PLXDC2: variants seen among roughly 807,000 people sequenced by gnomAD.
PLXDC2 encodes the protein plexin domain-containing protein 2.
PLXDC2 carries 40 observed loss-of-function variants against 68.9 expected under a neutral mutation model. That is an observed-to-expected ratio of 0.58 (90% CI 0.45 to 0.76). PLXDC2 has a LOEUF of 0.76. PLXDC2 is among the 30% of genes least tolerant of loss of function. The pLI is 0.00. For synonymous variants in PLXDC2, 243 were observed against 234.2 expected (o/e 1.04, Z -0.34); for missense variants, 644 against 661.9 (o/e 0.97, Z 0.30).
At chr10:19,819,041 C>T (rs1263310249) in intron 1 of PLXDC2, among the ~76,000 whole-genome samples, 3 of 149,398 alleles carry the variant, frequency 2.0e-5, no homozygotes, top group African/African-American at 7.3e-5. Flanking sequence ...TACACACACA[C>T]ACACACACAC....
At chr10:19,961,636 C>A (rs1434766816) in intron 1 of PLXDC2, among the ~76,000 whole-genome samples, 3 of 152,234 alleles carry the variant, frequency 2.0e-5, no homozygotes, top group East Asian at 3.9e-4. Context: ...GTGTAGTTCA[C>A]CTAAATGGGT....
intron 12 of PLXDC2, among the ~76,000 whole-genome samples, chr10:20,238,662 A>AATATATATATATATAT (rs1554777528): frequency 6.3e-5 from 2 of 31,722 alleles, no homozygotes; most frequent in Non-Finnish European, 1.5e-4. Flanking sequence ...TCTCAAAAAA[A>AATATATATATATATAT]ATATATATAT....
intron 4 of PLXDC2, among the ~76,000 whole-genome samples, chr10:20,124,651 G>A (rs1833746170): frequency 6.6e-6 from 1 of 152,006 alleles, no homozygotes; most frequent in Admixed American, 6.6e-5. Context: ...AGGGAGATGG[G>A]GGTGGGGCCG....
chr10:20,124,070 C>A (rs1360531914), intron 4 of PLXDC2, among the ~76,000 whole-genome samples: 1 of 151,992 alleles, frequency 6.6e-6, no homozygotes, highest in African/African-American at 2.4e-5. Flanking sequence ...CTTGCCCCTC[C>A]CACAGAAAAG....
chr10:20,131,760 T>A (rs1833871193), intron 4 of PLXDC2, among the ~76,000 whole-genome samples: 1 of 152,142 alleles, frequency 6.6e-6, no homozygotes, highest in South Asian at 2.1e-4. Context: ...TTTTGTTTAT[T>A]TAGAAAAAAA....
chr10:20,080,690 G>T (rs1836538143), intron 4 of PLXDC2, among the ~76,000 whole-genome samples: 1 of 152,146 alleles, frequency 6.6e-6, no homozygotes, highest in Non-Finnish European at 1.5e-5. Flanking sequence ...CCAGTCCACT[G>T]ACTCAAATGT....
intron 1 of PLXDC2, among the ~76,000 whole-genome samples, chr10:19,855,312 G>A (rs751100152): frequency 2.0e-5 from 3 of 151,998 alleles, no homozygotes; most frequent in Non-Finnish European, 2.9e-5. Flanking sequence ...TATCGTCAAT[G>A]GTTGGCTTTT....
intron 1 of PLXDC2, among the ~76,000 whole-genome samples, chr10:19,914,579 C>T (rs1833333149): frequency 6.6e-6 from 1 of 152,138 alleles, no homozygotes; most frequent in Non-Finnish European, 1.5e-5. Context: ...CAGGCCAAAG[C>T]ATTTATAGCA....
chr10:20,052,722 CAAA>C (rs59776582), intron 3 of PLXDC2, among the ~76,000 whole-genome samples: 8,208 of 92,736 alleles, frequency 0.089, 452 homozygotes, highest in African/African-American at 0.21. Flanking sequence ...ACAAATTATG[CAAA>C]AAAAAAAAAA....
intron 1 of PLXDC2, among the ~76,000 whole-genome samples, chr10:19,931,375 G>A (rs904987142): frequency 2.6e-5 from 4 of 152,164 alleles, no homozygotes; most frequent in Non-Finnish European, 4.4e-5. Context: ...TTTAATGACC[G>A]TCCTTAAGCT....
Position 20,285,150 on chromosome 10 carries a change from C to T in PLXDC2, c.*5331C>T, listed in dbSNP as rs1341469611. 1 of 152,128 alleles carries T rather than the reference C, an allele frequency of 6.6e-6. No individual in the cohort carries two copies. The highest frequency in any genetic ancestry group is 1.5e-5 in the Non-Finnish European group (1 of 68,024). 9.4% of individuals were successfully genotyped at this position (152,128 alleles called of 1,614,324 possible). A position where few individuals can be genotyped will look rare whatever the true frequency, so the allele number is the denominator to read the frequency against. On this transcript the variant is annotated 3_prime_UTR_variant, in exon 14 of 14. Transcript: ENST00000377252. ...TTATTTGCTCTTCAAACTATTACAA[C>T]ATTTTTGTCCTTATAAGGTTTTTTG...
chr10:20,231,324 A>G (rs1234227070), intron 12 of PLXDC2, among the ~76,000 whole-genome samples: 1 of 150,742 alleles, frequency 6.6e-6, no homozygotes, highest in East Asian at 1.9e-4. Flanking sequence ...GAAGAAAAGT[A>G]CTATAAGAAA....
intron 12 of PLXDC2, among the ~76,000 whole-genome samples, chr10:20,230,710 A>AAAAAAAAAAAAAAG (rs1835352153): frequency 6.7e-6 from 1 of 149,700 alleles, no homozygotes; most frequent in African/African-American, 2.4e-5. Context: ...AAAAAAAAAA[A>AAAAAAAAAAAAAAG]AAAACAGGAA....
At chr10:20,234,663 C>CTT (rs58791520) in intron 12 of PLXDC2, among the ~76,000 whole-genome samples, 2,502 of 125,356 alleles carry the variant, frequency 0.02, 60 homozygotes, top group African/African-American at 0.064. Context: ...GGGTTTCTTT[C>CTT]TTTTTTTTTT....
chr10:19,929,191 C>T (rs866952589), intron 1 of PLXDC2, among the ~76,000 whole-genome samples: 8 of 151,596 alleles, frequency 5.3e-5, no homozygotes, highest in African/African-American at 1.7e-4. Context: ...CCAGCCTGGC[C>T]AATGTGGTGA....
chr10:20,149,655 A>G (rs987003487), intron 6 of PLXDC2, among the ~76,000 whole-genome samples: 1 of 152,058 alleles, frequency 6.6e-6, no homozygotes, highest in Non-Finnish European at 1.5e-5. Context: ...CCCACTTATA[A>G]GTGAGAACAT....
intron 1 of PLXDC2, among the ~76,000 whole-genome samples, chr10:19,887,335 A>G (rs1313440055): frequency 2.0e-5 from 3 of 152,196 alleles, no homozygotes; most frequent in Non-Finnish European, 4.4e-5. Flanking sequence ...ATCCTGGCCA[A>G]TATGGCAAAA....
chr10:20,179,082 T>G (rs1297737796), intron 9 of PLXDC2, among the ~76,000 whole-genome samples: 1 of 152,116 alleles, frequency 6.6e-6, no homozygotes, highest in Admixed American at 6.6e-5. Flanking sequence ...TATGTATATT[T>G]AAGGAACTCT....
chr10:20,199,479 G>C (rs929718287), intron 9 of PLXDC2, among the ~76,000 whole-genome samples: 25 of 151,840 alleles, frequency 1.6e-4, no homozygotes, highest in African/African-American at 5.8e-4. Flanking sequence ...GTAGATAAAA[G>C]AATCAGTTAC....
Sources: gnomAD v4.1 joint callset for allele counts (sites outside exome capture counted in the v4.1 genomes callset) on GRCh38, gnomAD v4.1.1 for gene constraint, MANE v1.5 for transcripts, NCBI Gene and HGNC (gene_info 2026-07-23, HGNC 2026-07-21) for gene names.